Variants in UBAP1L observed in about 807,000 individuals in gnomAD.
UBAP1L encodes the protein ubiquitin associated protein 1 like.
A neutral mutation model predicts 32.1 loss-of-function variants in UBAP1L; 32 were observed. That is an observed-to-expected ratio of 1.00 (90% CI 0.75 to 1.34). The LOEUF (loss-of-function observed/expected upper bound fraction) is 1.34. Among genes scored for constraint, UBAP1L ranks in the 40% most tolerant of loss-of-function variants. The probability of loss-of-function intolerance (pLI) is 0.00; values close to 1 mark genes in which losing one functional copy is unlikely to be tolerated. For missense variants in UBAP1L, 516 were observed against 540.5 expected, an observed-to-expected ratio of 0.95 and a Z score of 0.45; for synonymous variants, 243 against 250.2, an observed-to-expected ratio of 0.97 and a Z score of 0.27.
intron 4 of UBAP1L, chr15:65,096,979 G>C (rs72729037): frequency 0.068 from 10,395 of 152,332 alleles, 496 homozygotes; most frequent in Middle Eastern, 0.11. Context: ...GGCTTGTTCA[G>C]TTACCAGGAC....
At chr15:65,099,157 T>TCGCC in intron 4 of UBAP1L, 36 of 258,526 alleles carry the variant, frequency 1.4e-4, no homozygotes, top group Admixed American at 3.0e-4. Flanking sequence ...GACTCTGTGA[T>TCGCC]GTTCCATCCA....
rs923007277 is a variant in UBAP1L, at chr15:65,102,320, A to AGCC, written c.482_484dup (p.Arg161dup). On this transcript the variant is annotated inframe_insertion, in exon 3 of 6. Coordinates refer to ENST00000559089, the MANE Select transcript of UBAP1L (RefSeq NM_001163692.2). The surrounding 1 kb of genome is among the most constrained non-coding windows in gnomAD (Gnocchi z 5.0). The stretch of plus-strand genomic sequence containing the variant: ...CCGGGAGACCAGCTTCCCCTCGGAG[A>AGCC]GCCGCCGCCGCGCCCCTGCCAGCTC... The AGCC allele has an allele frequency of 2.1e-5, 30 of 1,440,158 alleles. No individual in the cohort carries two copies. Among genetic ancestry groups the AGCC allele is most frequent in the Admixed American group, 2.8e-5 (1 of 35,816 alleles). The allele number at this position is 1,440,158 out of a possible 1,614,324, so 89.2% of individuals were successfully genotyped here.
chr15:65,106,501 A>C, intron 1 of UBAP1L, 113 bp from the exon 2 acceptor site: 1 of 295,818 alleles, frequency 3.4e-6, no homozygotes, highest in East Asian at 6.2e-5. Context: ...TGGTCCACAA[A>C]ACTAGTTCTC....
chr15:65,102,360 G>C lies in UBAP1L; in HGVS notation c.445C>G (p.Arg149Gly), dbSNP rs1029323852. The part of the protein sequence containing the change: ...GRRLCSLDVL[R>G]GVRLELAGAR... Reference sequence around the variant, plus strand: ...CCTGCCAGCTCCAACCGCACGCCGCGTAGCACGTCCAGCGAGCACAGGCGA... The same window carrying C: ...CCTGCCAGCTCCAACCGCACGCCGCCTAGCACGTCCAGCGAGCACAGGCGA... The change falls in exon 3 of 6, where the codon CGC becomes GGC. Residue 149 changes from arginine (R) to glycine (G), a missense_variant. By Grantham distance (125) the Arg-to-Gly change is moderately radical. Transcript: ENST00000559089. This position sits in a 1 kb window ranked among gnomAD's most constrained non-coding sequence, Gnocchi z 5.0. 1 of 1,478,586 alleles carries C rather than the reference G, an allele frequency of 6.8e-7. No individual in the cohort carries two copies. Among genetic ancestry groups the C allele is most frequent in the Non-Finnish European group, 8.9e-7 (1 of 1,123,426 alleles). The allele number at this position is 1,478,586 out of a possible 1,614,324, so 91.6% of individuals were successfully genotyped here. A position where few individuals can be genotyped will look rare whatever the true frequency, so the allele number is the denominator to read the frequency against.
At chr15:65,093,434 A>G (rs1024783655) in intron 5 of UBAP1L, among the ~76,000 whole-genome samples, 7 of 152,170 alleles carry the variant, frequency 4.6e-5, no homozygotes, top group Admixed American at 2.6e-4. Flanking sequence ...TTCCTCTGCC[A>G]AGGAAAGAAG....
At position 65,102,531 on chromosome 15, in the gene UBAP1L, TG is replaced by T; in HGVS notation, c.273del (p.Thr92ProfsTer93). On this transcript the variant is annotated frameshift_variant, in exon 3 of 6. Coordinates refer to ENST00000559089, the MANE Select transcript of UBAP1L (RefSeq NM_001163692.2). LOFTEE classifies it high-confidence loss of function. This position sits in a 1 kb window ranked among gnomAD's most constrained non-coding sequence, Gnocchi z 5.0. ...VSPEHGLAPA[P>X]TTIRDPEAGH... ...CCGGCCTCCGGGTCTCTGATTGTGG[TG>T]GGCGCAGGCGCCAGCCCATGTTCGG... The T allele has an allele frequency of 6.7e-7, 1 of 1,501,660 alleles. No individual in the cohort carries two copies. The allele number at this position is 1,501,660 out of a possible 1,614,324, so 93.0% of individuals were successfully genotyped here. A position where few individuals can be genotyped will look rare whatever the true frequency, so the allele number is the denominator to read the frequency against.
intron 1 of UBAP1L, among the ~76,000 whole-genome samples, chr15:65,109,344 A>G (rs1459873030): frequency 6.7e-6 from 1 of 149,754 alleles, no homozygotes. Context: ...TTAGCTGGGC[A>G]TAGTGGTGGG....
At position 65,102,134 on chromosome 15, in the gene UBAP1L, G is replaced by T. The variant is rs1036048322; in HGVS notation, c.671C>A (p.Pro224Gln). 2.5e-6 allele frequency: 3 copies of T among 1,206,496 alleles called. No individual in the cohort carries two copies. Among genetic ancestry groups the T allele is most frequent in the South Asian group, 4.1e-5 (1 of 24,168 alleles). The allele number at this position is 1,206,496 out of a possible 1,614,324, so 74.7% of individuals were successfully genotyped here. A position where few individuals can be genotyped will look rare whatever the true frequency, so the allele number is the denominator to read the frequency against. Reference protein sequence around the residue: ...PRPSTAGAIPPLRSHKPTVAS... With the variant: ...PRPSTAGAIPQLRSHKPTVAS... ...GACCGTAGGCTTGTGGCTCCGCAGC[G>T]GGGGGATGGCGCCTGCCGTGGAGGG... The change falls in exon 3 of 6, where the codon CCG (proline) becomes CAG (glutamine). Residue 224 changes from proline to glutamine, a missense_variant. Pro to Gln is a moderately conservative substitution (Grantham distance 76). Coordinates refer to ENST00000559089, the MANE Select transcript of UBAP1L (RefSeq NM_001163692.2). This position sits in a 1 kb window ranked among gnomAD's most constrained non-coding sequence, Gnocchi z 5.0.
rs1215243920 is a variant in UBAP1L, at chr15:65,102,315, C to G, written c.490G>C (p.Glu164Gln). Residue 164 changes from glutamate (E) to glutamine (Q), a missense_variant, in exon 3 of 6, where the codon GAG becomes CAG. Coordinates refer to ENST00000559089, the MANE Select transcript of UBAP1L (RefSeq NM_001163692.2). This position sits in a 1 kb window ranked among gnomAD's most constrained non-coding sequence, Gnocchi z 5.0. The stretch of plus-strand genomic sequence containing the variant: ...CGGGGCCGGGAGACCAGCTTCCCCT[C>G]GGAGAGCCGCCGCCGCGCCCCTGCC... ...ELAGARRRLS[E>Q]GKLVSRPRAL... is the part of the protein sequence containing the mutation. 11 of 1,438,230 alleles carry G rather than the reference C, an allele frequency of 7.6e-6. No individual in the cohort carries two copies. The highest frequency in any genetic ancestry group is 9.1e-6 in the Non-Finnish European group (10 of 1,103,072). The allele number at this position is 1,438,230 out of a possible 1,614,324, so 89.1% of individuals were successfully genotyped here.
In UBAP1L at chr15:65,093,239, A is replaced by G. The variant is rs750948329; in HGVS notation, c.1012-8T>C. 1.5e-5 allele frequency: 23 copies of G among 1,539,204 alleles called. No homozygotes were observed. Among genetic ancestry groups the G allele is most frequent in the Admixed American group, 2.1e-5 (1 of 48,468 alleles). On this transcript the variant is annotated splice_polypyrimidine_tract_variant and splice_region_variant and intron_variant, in intron 5 of 5. Coordinates refer to ENST00000559089, the MANE Select transcript of UBAP1L (RefSeq NM_001163692.2). ...GCGCAGGAACTCCCCTGCCTGAGGA[A>G]GAGGAGACAGGGAGGGTGCTGGGGG...
At position 65,094,598 on chromosome 15, in the gene UBAP1L, A is replaced by T. The variant is rs1191858709; in HGVS notation, c.910-22T>A. On this transcript the variant is annotated intron_variant, in intron 4 of 5. Coordinates refer to ENST00000559089, the MANE Select transcript of UBAP1L (RefSeq NM_001163692.2). This position sits in a 1 kb window ranked among gnomAD's most constrained non-coding sequence, Gnocchi z 4.2. Reference sequence around the variant, plus strand: ...GAAACTGGGCCGGAAGCGGGCAGAGAGGGAGGGAGGGTAAGAGGAGCAGCC... The same window carrying T: ...GAAACTGGGCCGGAAGCGGGCAGAGTGGGAGGGAGGGTAAGAGGAGCAGCC... The T allele has an allele frequency of 1.3e-6, 2 of 1,530,176 alleles. No individual in the cohort carries two copies. Among genetic ancestry groups the T allele is most frequent in the Admixed American group, 2.0e-5 (1 of 50,944 alleles). The allele number at this position is 1,530,176 out of a possible 1,614,324, so 94.8% of individuals were successfully genotyped here. A position where few individuals can be genotyped will look rare whatever the true frequency, so the allele number is the denominator to read the frequency against.
Position 65,102,415 on chromosome 15 carries a change from C to T in UBAP1L, c.390G>A (p.Pro130=), listed in dbSNP as rs928847933. 4 of 1,426,856 alleles carry T rather than the reference C, an allele frequency of 2.8e-6. No homozygotes were observed. In the Admixed American group the frequency reaches 9.4e-5, roughly 33 times the overall value. The allele number at this position is 1,426,856 out of a possible 1,614,324, so 88.4% of individuals were successfully genotyped here. ...EEEPAPSSLQ[P]GSPASPGPGR... is the part of the protein sequence containing the mutation. The stretch of plus-strand genomic sequence containing the variant: ...CGGGGCCGGGGCTCGCCGGGGAGCC[C>T]GGTTGGAGGCTGCTGGGGGCCGGCT... The change falls in exon 3 of 6, where the codon CCG becomes CCA. Residue 130 remains proline, a synonymous_variant. Coordinates refer to ENST00000559089, the MANE Select transcript of UBAP1L (RefSeq NM_001163692.2). This position sits in a 1 kb window ranked among gnomAD's most constrained non-coding sequence, Gnocchi z 5.0.
rs572465519 is a variant in UBAP1L, at chr15:65,093,535, C to T, written c.1012-304G>A. On this transcript the variant is annotated intron_variant, in intron 5 of 5. Coordinates refer to ENST00000559089, the MANE Select transcript of UBAP1L (RefSeq NM_001163692.2). ...CTGCTGGGGCAGGAGGGGGGCAGAC[C>T]GTACACCTGCACCTGGAGCACAAAC... is the stretch of plus-strand genomic sequence containing the variant. Among the ~76,000 whole-genome samples the T allele has an allele frequency of 8.3e-4, 127 of 152,334 alleles. 1 individual carries two copies. Among genetic ancestry groups the T allele is most frequent in the African/African-American group, 2.9e-3 (121 of 41,592 alleles).
chr15:65,093,183 G>A lies in UBAP1L; in HGVS notation c.1060C>T (p.Gln354Ter). The A allele has an allele frequency of 1.9e-6, 3 of 1,550,000 alleles. No homozygotes were observed. Among genetic ancestry groups the A allele is most frequent in the Non-Finnish European group, 1.7e-6 (2 of 1,146,698 alleles). ...AGCACCTCCTTGATCCGGTCCTGCT[G>A]GAAGCCCATGTCACTGAACTGCTCC... ...LWEQFSDMGF[Q>*]QDRIKEVLLV... is the part of the protein sequence containing the mutation. The change falls in exon 6 of 6, where the codon CAG becomes TAG. Residue 354 changes from glutamine (Q) to a stop codon, truncating the protein, a stop_gained. Transcript: ENST00000559089. LOFTEE classifies it high-confidence loss of function.
Position 65,094,853 on chromosome 15 carries a change from T to C in UBAP1L, c.910-277A>G, listed in dbSNP as rs1443458942. On this transcript the variant is annotated intron_variant, in intron 4 of 5. Coordinates refer to ENST00000559089, the MANE Select transcript of UBAP1L (RefSeq NM_001163692.2). The surrounding 1 kb of genome is among the most constrained non-coding windows in gnomAD (Gnocchi z 4.2). ...CTGTCAGGGTGGGCTAGGGTGTTCA[T>C]AGAACCTAGGTGGGGAGCAGGACAG... The C allele has an allele frequency of 6.1e-6, 3 of 495,802 alleles. No homozygotes were observed. In the South Asian group the frequency reaches 6.5e-5, roughly 11 times the overall value. 30.7% of individuals were successfully genotyped at this position (495,802 alleles called of 1,614,324 possible).
chr15:65,112,636 C>G (rs1249609711), intron 1 of UBAP1L, among the ~76,000 whole-genome samples: 1 of 152,162 alleles, frequency 6.6e-6, no homozygotes, highest in East Asian at 1.9e-4. Flanking sequence ...TTGCCCAGAG[C>G]TTCAATTACC....
In UBAP1L at chr15:65,106,210, A is replaced by T; in HGVS notation, c.6T>A (p.Asn2Lys). The change falls in exon 2 of 6, where the codon AAT (asparagine) becomes AAA (lysine). Residue 2 changes from asparagine to lysine, a missense_variant. Coordinates refer to ENST00000559089, the MANE Select transcript of UBAP1L (RefSeq NM_001163692.2). ...ACTTGAAAGGAACACCATCGAGGGC[A>T]TTCATTCTGTCAGGAGTGTGGAGAT... is the stretch of plus-strand genomic sequence containing the variant. Reference protein sequence around the residue: MNALDGVPFKLP... With the variant: MKALDGVPFKLP... The T allele has an allele frequency of 6.5e-7, 1 of 1,543,948 alleles. No homozygotes were observed. The highest frequency in any genetic ancestry group is 1.2e-5 in the South Asian group (1 of 82,564).
chr15:65,110,749 C>A (rs974413115), intron 1 of UBAP1L, among the ~76,000 whole-genome samples: 1 of 151,602 alleles, frequency 6.6e-6, no homozygotes, highest in Non-Finnish European at 1.5e-5. Flanking sequence ...AATTTAAGCT[C>A]ACGACTGCCT....
Position 65,102,314 on chromosome 15 carries a change from T to A in UBAP1L, c.491A>T (p.Glu164Val). The change falls in exon 3 of 6, where the codon GAG becomes GTG. Residue 164 changes from glutamate (E) to valine (V), a missense_variant. Physicochemically the swap from Glu to Val is moderately radical, Grantham distance 121. Coordinates refer to ENST00000559089, the MANE Select transcript of UBAP1L (RefSeq NM_001163692.2). The surrounding 1 kb of genome is among the most constrained non-coding windows in gnomAD (Gnocchi z 5.0). ...GCGGGGCCGGGAGACCAGCTTCCCC[T>A]CGGAGAGCCGCCGCCGCGCCCCTGC... ...ELAGARRRLS[E>V]GKLVSRPRAL... 7.0e-7 allele frequency: 1 copy of A among 1,437,286 alleles called. No homozygotes were observed. The highest frequency in any genetic ancestry group is 1.4e-5 in the South Asian group (1 of 73,712). The allele number at this position is 1,437,286 out of a possible 1,614,324, so 89.0% of individuals were successfully genotyped here. A position where few individuals can be genotyped will look rare whatever the true frequency, so the allele number is the denominator to read the frequency against.
Sources: allele counts gnomAD v4.1 joint callset (sites outside exome capture counted in the v4.1 genomes callset), GRCh38; gene constraint gnomAD v4.1.1; non-coding constraint Gnocchi (gnomAD v3.1); transcripts MANE v1.5; gene names NCBI Gene and HGNC (gene_info 2026-07-23, HGNC 2026-07-21).